The following SMYD3 variants were observed in gnomAD, a reference collection of about 807,000 sequenced individuals.
The protein encoded by SMYD3 is histone-lysine N-methyltransferase SMYD3.
A neutral mutation model predicts 57.7 loss-of-function variants in SMYD3; 36 were observed. That is an observed-to-expected ratio of 0.62 (90% CI 0.48 to 0.82). The LOEUF is 0.82. Ranked by LOEUF, SMYD3 falls within the 40% of genes least tolerant of loss-of-function variation. The pLI is 0.00. For synonymous variants in SMYD3, 211 were observed against 195.0 expected, an observed-to-expected ratio of 1.08 and a Z score of -0.68; for missense variants, 515 against 538.8, an observed-to-expected ratio of 0.96 and a Z score of 0.44.
At chr1:246,468,650 GA>G (rs1252393491) in intron 1 of SMYD3, among the ~76,000 whole-genome samples, 1 of 151,498 alleles carries the variant, frequency 6.6e-6, no homozygotes, top group East Asian at 1.9e-4. Flanking sequence ...CCAAAAAAAG[GA>G]AAAAAAATTA....
intron 5 of SMYD3, among the ~76,000 whole-genome samples, chr1:246,150,779 A>G (rs1558270415): frequency 6.6e-6 from 1 of 152,190 alleles, no homozygotes; most frequent in Non-Finnish European, 1.5e-5. Context: ...AACCCTGTCC[A>G]CATTACCACA....
intron 10 of SMYD3, among the ~76,000 whole-genome samples, chr1:245,841,630 C>T (rs1260983751): frequency 6.6e-6 from 1 of 151,946 alleles, no homozygotes; most frequent in African/African-American, 2.4e-5. Flanking sequence ...AAATTCTTTA[C>T]AAAATAAAAT....
intron 5 of SMYD3, among the ~76,000 whole-genome samples, chr1:245,949,887 C>A (rs113433124): frequency 1.4e-5 from 2 of 147,362 alleles, no homozygotes. Flanking sequence ...GTGCCCAACC[C>A]AAACACCACT....
intron 10 of SMYD3, among the ~76,000 whole-genome samples, chr1:245,764,537 C>T (rs527761837): frequency 1.3e-5 from 2 of 152,274 alleles, no homozygotes; most frequent in African/African-American, 4.8e-5. Context: ...CCTGGAACAG[C>T]AGATTGCCTC....
intron 1 of SMYD3, among the ~76,000 whole-genome samples, chr1:246,405,841 C>T (rs1387598260): frequency 6.8e-6 from 1 of 146,138 alleles, no homozygotes; most frequent in African/African-American, 2.5e-5. Flanking sequence ...ACCCAGGAGG[C>T]AGAGCTTGCA....
intron 10 of SMYD3, among the ~76,000 whole-genome samples, chr1:245,771,129 T>A (rs35285673): frequency 5.9e-4 from 89 of 150,868 alleles, no homozygotes; most frequent in Non-Finnish European, 1.0e-3. Context: ...TACATATATA[T>A]ACATGTATAT....
chr1:246,234,222 T>C (rs1214763867), intron 5 of SMYD3, among the ~76,000 whole-genome samples: 1 of 150,076 alleles, frequency 6.7e-6, no homozygotes, highest in African/African-American at 2.5e-5. Context: ...AAGCGCTCCT[T>C]CAATTCACAC....
intron 5 of SMYD3, among the ~76,000 whole-genome samples, chr1:246,153,210 C>A (rs1390103643): frequency 6.6e-6 from 1 of 152,094 alleles, no homozygotes; most frequent in African/African-American, 2.4e-5. Context: ...TCCTACCCAA[C>A]CCCCATAAAC....
chr1:246,200,677 G>C (rs935617460), intron 5 of SMYD3, among the ~76,000 whole-genome samples: 1 of 152,252 alleles, frequency 6.6e-6, no homozygotes, highest in African/African-American at 2.4e-5. Context: ...CACTGTAATA[G>C]AGAAGATGCA....
intron 5 of SMYD3, among the ~76,000 whole-genome samples, chr1:246,307,413 C>CTTTTTTT (rs869254416): frequency 2.1e-5 from 2 of 96,068 alleles, no homozygotes; most frequent in Non-Finnish European, 4.0e-5. Context: ...TTAGGGGATT[C>CTTTTTTT]TTTTTTTTTT....
Position 246,191,171 on chromosome 1 carries a change from C to T in SMYD3, c.531+136030G>A, listed in dbSNP as rs1463947396. On this transcript the variant is annotated intron_variant, in intron 5 of 11. Coordinates refer to ENST00000490107, the MANE Select transcript of SMYD3 (RefSeq NM_001167740.2). ...CAATTAAAGACCAACTATCAGTTCTCCATGGAAGCAGCAAAATATAAAAGT... is the reference window on the plus strand; with the variant it reads ...CAATTAAAGACCAACTATCAGTTCTTCATGGAAGCAGCAAAATATAAAAGT... Among the ~76,000 whole-genome samples the T allele has an allele frequency of 4.6e-5, 7 of 152,348 alleles. No individual in the cohort carries two copies. The East Asian group carries it at 1.3e-3, about 29-fold the overall frequency.
At position 246,185,095 on chromosome 1, in the gene SMYD3, T is replaced by C. The variant is rs181086344; in HGVS notation, c.531+142106A>G. Among the ~76,000 whole-genome samples the C allele has an allele frequency of 2.2e-3, 334 of 152,356 alleles. 1 individual carries two copies. The highest frequency in any genetic ancestry group is 3.4e-3 in the Non-Finnish European group (232 of 68,024). On this transcript the variant is annotated intron_variant, in intron 5 of 11. Coordinates refer to ENST00000490107, the MANE Select transcript of SMYD3 (RefSeq NM_001167740.2). ...AAGTCACAGACTTCAATAACAGCCA[T>C]CATTTTCTATAAGCACTAATGGTGT... is the stretch of plus-strand genomic sequence containing the variant.
intron 5 of SMYD3, among the ~76,000 whole-genome samples, chr1:245,960,902 A>C (rs761522641): frequency 1.3e-5 from 2 of 152,166 alleles, no homozygotes; most frequent in Non-Finnish European, 2.9e-5. Context: ...GGAAGTTCAT[A>C]ACTCCCTCGG....
chr1:246,491,125 A>C (rs914190149), intron 1 of SMYD3, among the ~76,000 whole-genome samples: 2 of 152,242 alleles, frequency 1.3e-5, no homozygotes, highest in African/African-American at 2.4e-5. Flanking sequence ...AGTGAGAGTA[A>C]GTATGACCGG....
chr1:246,503,049 G>C (rs940655895), intron 1 of SMYD3, among the ~76,000 whole-genome samples: 8 of 152,062 alleles, frequency 5.3e-5, no homozygotes, highest in African/African-American at 1.9e-4. Context: ...TCCACATAAG[G>C]AGCAGAGCAA....
At chr1:246,437,956 C>A (rs2067404639) in intron 1 of SMYD3, among the ~76,000 whole-genome samples, 2 of 152,110 alleles carry the variant, frequency 1.3e-5, no homozygotes, top group South Asian at 4.1e-4. Context: ...TGGGAGAATA[C>A]CAATTACGTA....
At chr1:246,344,950 G>C (rs1279080906) in intron 2 of SMYD3, among the ~76,000 whole-genome samples, 4 of 152,186 alleles carry the variant, frequency 2.6e-5, no homozygotes, top group African/African-American at 9.6e-5. Context: ...ACAACTTCTT[G>C]GTTGGGGTGA....
chr1:246,237,193 T>C (rs896034754), intron 5 of SMYD3, among the ~76,000 whole-genome samples: 2 of 152,112 alleles, frequency 1.3e-5, no homozygotes, highest in African/African-American at 2.4e-5. Flanking sequence ...TGTTCCCTCA[T>C]ACTCCCCGAT....
At chr1:246,117,315 T>TTCC (rs1208659139) in intron 5 of SMYD3, among the ~76,000 whole-genome samples, 1 of 152,196 alleles carries the variant, frequency 6.6e-6, no homozygotes, top group Non-Finnish European at 1.5e-5. Flanking sequence ...GCACAGCACC[T>TTCC]TCCGTTAGAA....
Sources: allele counts gnomAD v4.1 joint callset (sites outside exome capture counted in the v4.1 genomes callset), GRCh38; gene constraint gnomAD v4.1.1; transcripts MANE v1.5; gene names NCBI Gene and HGNC (gene_info 2026-07-23, HGNC 2026-07-21).